The following EPHA5 variants were observed in gnomAD, a reference collection of about 807,000 sequenced individuals.
EPHA5 encodes EPH receptor A5.
In EPHA5, 60 loss-of-function variants were observed where a neutral mutation model predicts 105.0. That is an observed-to-expected ratio of 0.57 (90% confidence interval 0.46 to 0.71). The LOEUF is 0.71. EPHA5 is among the 30% of genes least tolerant of loss of function. The pLI, the probability that EPHA5 is intolerant of heterozygous loss-of-function variation, is 0.00. For synonymous variants in EPHA5, 513 were observed against 449.1 expected, an observed-to-expected ratio of 1.14 and a Z score of -1.80; for missense variants, 1,218 against 1,274.7, an observed-to-expected ratio of 0.96 and a Z score of 0.68.
chr4:65,631,188 C>T (rs1255962340), intron 2 of EPHA5, among the ~76,000 whole-genome samples: 1 of 152,148 alleles, frequency 6.6e-6, no homozygotes, highest in Non-Finnish European at 1.5e-5. Flanking sequence ...TTTTGATAAA[C>T]ATTCCCTGCC....
intron 7 of EPHA5, among the ~76,000 whole-genome samples, chr4:65,410,047 T>C (rs1312082341): frequency 1.3e-5 from 2 of 152,184 alleles, no homozygotes; most frequent in East Asian, 1.9e-4. Flanking sequence ...AATCCAGTGT[T>C]GTACTTTTGG....
rs1162469346 is a variant in EPHA5 at position 65,637,585 on chromosome 4, T to TAC, written c.246+5777_246+5778insGT. On this transcript the variant is annotated intron_variant, in intron 2 of 16. Coordinates refer to ENST00000613740, the MANE Select transcript of EPHA5 (RefSeq NM_001281766.3). ...TGAGTTTTGCATATATATATATATA[T>TAC]ATATATATATATACGTATATGCTAA... Among the ~76,000 whole-genome samples the TAC allele has an allele frequency of 2.4e-3, 351 of 145,330 alleles. 6 individuals are homozygous for TAC. The highest frequency in any genetic ancestry group is 7.2e-3 in the Middle Eastern group (2 of 278).
Position 65,483,839 on chromosome 4 carries a change from G to T in EPHA5, c.1402+6538C>A, listed in dbSNP as rs1730619178. Among the ~76,000 whole-genome samples, 4 of 152,116 alleles carry T rather than the reference G, an allele frequency of 2.6e-5. No individual in the cohort carries two copies. In the South Asian group the frequency reaches 8.3e-4, roughly 32 times the overall value. On this transcript the variant is annotated intron_variant, in intron 5 of 16. Coordinates refer to ENST00000613740, the MANE Select transcript of EPHA5 (RefSeq NM_001281766.3). ...TCAAAGCTGTGAAACTCTAGTAATGGCCAAACTAAAGACCTCTGAGCATCT... is the reference window on the plus strand; with the variant it reads ...TCAAAGCTGTGAAACTCTAGTAATGTCCAAACTAAAGACCTCTGAGCATCT...
At chr4:65,523,758 T>C (rs551809227) in intron 3 of EPHA5, among the ~76,000 whole-genome samples, 2 of 152,050 alleles carry the variant, frequency 1.3e-5, no homozygotes, top group East Asian at 3.9e-4. Flanking sequence ...TAGTTGCTTC[T>C]AGCATCTCCT....
rs189167997 is a variant in EPHA5, at chr4:65,580,120, A to G, written c.910+21521T>C. 2.5e-3 allele frequency among the ~76,000 whole-genome samples: 383 copies of G among 152,004 alleles called. 2 individuals are homozygous for G. Among genetic ancestry groups the G allele is most frequent in the African/African-American group, 8.8e-3 (367 of 41,526 alleles). ...TAGAACAAAGTTCTAAAGGTTAAAT[A>G]ATGTTTAGTCACTTTTTGAAAGAAA... On this transcript the variant is annotated intron_variant, in intron 3 of 16. Coordinates refer to ENST00000613740, the MANE Select transcript of EPHA5 (RefSeq NM_001281766.3).
At chr4:65,338,173 G>A (rs954973004) in intron 14 of EPHA5, among the ~76,000 whole-genome samples, 57 of 152,082 alleles carry the variant, frequency 3.7e-4, no homozygotes, top group African/African-American at 1.3e-3. Context: ...TCTCACTAAT[G>A]ATCAAATAAA....
chr4:65,629,857 T>G (rs1386767606), intron 2 of EPHA5, among the ~76,000 whole-genome samples: 1 of 152,186 alleles, frequency 6.6e-6, no homozygotes, highest in African/African-American at 2.4e-5. Context: ...CATTACAATA[T>G]TTCATTGTGG....
At chr4:65,622,188 C>CT (rs1745762702) in intron 2 of EPHA5, among the ~76,000 whole-genome samples, 1 of 152,038 alleles carries the variant, frequency 6.6e-6, no homozygotes, top group South Asian at 2.1e-4. Flanking sequence ...AGAATCAACT[C>CT]TAAACAGTAT....
At chr4:65,402,791 C>T (rs1721974207) in intron 8 of EPHA5, among the ~76,000 whole-genome samples, 2 of 152,180 alleles carry the variant, frequency 1.3e-5, no homozygotes, top group South Asian at 2.1e-4. Context: ...AGAAAAGACA[C>T]ATTGTCACAT....
intron 5 of EPHA5, among the ~76,000 whole-genome samples, chr4:65,464,492 G>GA (rs1728427029): frequency 6.6e-6 from 1 of 152,006 alleles, no homozygotes; most frequent in Non-Finnish European, 1.5e-5. Flanking sequence ...TAAAGAACCA[G>GA]AAAATCAAAC....
chr4:65,550,402 C>T (rs1737783653), intron 3 of EPHA5, among the ~76,000 whole-genome samples: 1 of 152,048 alleles, frequency 6.6e-6, no homozygotes, highest in Non-Finnish European at 1.5e-5. Context: ...GTGTATTTTA[C>T]TAATATTTCA....
At position 65,373,191 on chromosome 4, in the gene EPHA5, T is replaced by C. The variant is rs1254198091; in HGVS notation, c.1794-5767A>G. ...ATATCTCCTGTAGTCTGAAGCTTCATAGTTATTTTTAAAAATAGATAGTTT... is the reference window on the plus strand; with the variant it reads ...ATATCTCCTGTAGTCTGAAGCTTCACAGTTATTTTTAAAAATAGATAGTTT... On this transcript the variant is annotated intron_variant, in intron 8 of 16. Transcript: ENST00000613740. 7.2e-5 allele frequency among the ~76,000 whole-genome samples: 11 copies of C among 152,044 alleles called. No homozygotes were observed. The South Asian group carries it at 1.7e-3, about 23-fold the overall frequency.
intron 5 of EPHA5, among the ~76,000 whole-genome samples, chr4:65,463,595 AG>A (rs1207243098): frequency 6.6e-6 from 1 of 152,150 alleles, no homozygotes; most frequent in Admixed American, 6.5e-5. Context: ...ACTCTATTAC[AG>A]TATCGCACCT....
intron 3 of EPHA5, among the ~76,000 whole-genome samples, chr4:65,556,989 A>G (rs928936935): frequency 6.6e-6 from 1 of 151,864 alleles, no homozygotes; most frequent in East Asian, 1.9e-4. Context: ...TGAATATAAA[A>G]TTCTGTTTGT....
At chr4:65,351,694 G>T in intron 12 of EPHA5, 96 bp from the exon 13 acceptor site, 1 of 1,078,052 alleles carries the variant, frequency 9.3e-7, no homozygotes, top group Non-Finnish European at 1.4e-6. Context: ...GATACTATCA[G>T]TCGCTAAAAT....
At chr4:65,395,299 A>AGAG (rs1227005794) in intron 8 of EPHA5, among the ~76,000 whole-genome samples, 6 of 152,330 alleles carry the variant, frequency 3.9e-5, no homozygotes, top group African/African-American at 1.4e-4. Context: ...CTACTAAGTA[A>AGAG]GAGTAAAAAC....
intron 3 of EPHA5, among the ~76,000 whole-genome samples, chr4:65,506,383 T>G (rs1290915759): frequency 6.8e-6 from 1 of 146,438 alleles, no homozygotes; most frequent in Non-Finnish European, 1.5e-5. Context: ...GATGGCTGGG[T>G]CAAATGGTAT....
At chr4:65,555,061 A>G (rs1048447640) in intron 3 of EPHA5, among the ~76,000 whole-genome samples, 1 of 141,308 alleles carries the variant, frequency 7.1e-6, no homozygotes, top group Non-Finnish European at 1.5e-5. Flanking sequence ...TACACAGGTT[A>G]TTTTAATCTT....
At chr4:65,534,778 T>C (rs1474165413) in intron 3 of EPHA5, among the ~76,000 whole-genome samples, 1 of 152,238 alleles carries the variant, frequency 6.6e-6, no homozygotes, top group Non-Finnish European at 1.5e-5. Flanking sequence ...GTTTAGATTA[T>C]TCTAGATGAG....
Sources: allele counts gnomAD v4.1 joint callset (sites outside exome capture counted in the v4.1 genomes callset), GRCh38; gene constraint gnomAD v4.1.1; transcripts MANE v1.5; gene names NCBI Gene and HGNC (gene_info 2026-07-23, HGNC 2026-07-21).